ZZZ3: variants seen among roughly 807,000 people sequenced by gnomAD.
The protein encoded by ZZZ3 is ZZ-type zinc finger-containing protein 3.
Under a neutral mutation model 95.2 loss-of-function variants are expected in ZZZ3, and 22 were observed. That is an observed-to-expected ratio of 0.23 (90% CI 0.17 to 0.33). The LOEUF (loss-of-function observed/expected upper bound fraction) is 0.33. Among genes scored for constraint, ZZZ3 ranks in the 10% least tolerant of loss-of-function variants. The pLI, the probability that ZZZ3 is intolerant of heterozygous loss-of-function variation, is 1.00. For synonymous variants in ZZZ3, 335 were observed against 358.9 expected (o/e 0.93, Z 0.75); for missense variants, 885 against 1,066.5 (o/e 0.83, Z 2.37).
At chr1:77,645,235 TTAAC>T (rs1669150683) in intron 1 of ZZZ3, 1 of 152,072 alleles carries the variant, frequency 6.6e-6, no homozygotes, top group Non-Finnish European at 1.5e-5. Context: ...CTCTAAAAAA[TTAAC>T]TAATTAATCA....
chr1:77,616,661 A>C (rs1300030481), intron 5 of ZZZ3, among the ~76,000 whole-genome samples: 6 of 152,132 alleles, frequency 3.9e-5, no homozygotes, highest in Non-Finnish European at 8.8e-5. Flanking sequence ...TCAGGAGTTC[A>C]AGACCAGTCT....
At position 77,659,013 on chromosome 1, in the gene ZZZ3, G is replaced by A. The variant is rs1670542948; in HGVS notation, c.-402-17358C>T. On this transcript the variant is annotated intron_variant, in intron 1 of 14. Coordinates refer to ENST00000370801, the MANE Select transcript of ZZZ3 (RefSeq NM_015534.6). ...GCAGGCGGATCACCTGAGGTCAGGA[G>A]TTCGAGACCAGCCTGAACAACATGG... 3.9e-5 allele frequency among the ~76,000 whole-genome samples: 6 copies of A among 152,240 alleles called. No individual in the cohort carries two copies. The South Asian group carries it at 1.2e-3, about 32-fold the overall frequency.
intron 12 of ZZZ3, among the ~76,000 whole-genome samples, chr1:77,568,901 C>A (rs1037981306): frequency 6.6e-6 from 1 of 152,152 alleles, no homozygotes; most frequent in African/African-American, 2.4e-5. Flanking sequence ...AACAAGCAAA[C>A]CAACCTCTGC....
chr1:77,570,893 C>T (rs1661321002), intron 12 of ZZZ3, among the ~76,000 whole-genome samples: 1 of 137,582 alleles, frequency 7.3e-6, no homozygotes, highest in South Asian at 2.3e-4. Context: ...TGGTCTCGAA[C>T]TTCTGGGCTC....
chr1:77,676,259 T>A (rs1325567730), intron 1 of ZZZ3, among the ~76,000 whole-genome samples: 2 of 152,156 alleles, frequency 1.3e-5, no homozygotes, highest in African/African-American at 4.8e-5. Flanking sequence ...CTCAATCTTT[T>A]GGGGTCAAGT....
chr1:77,625,082 T>A (rs1667219987), intron 5 of ZZZ3, among the ~76,000 whole-genome samples: 1 of 152,116 alleles, frequency 6.6e-6, no homozygotes, highest in Non-Finnish European at 1.5e-5. Context: ...AAAAGTTGGG[T>A]TTTCTGTACA....
chr1:77,632,216 G>T lies in ZZZ3; in HGVS notation c.1139C>A (p.Thr380Asn). ...GGTAGGGGCTGCCCTTCGTGGTGAG[G>T]TTCTCAGAGTATAACGATGTTCTTG... ...EPQEHRYTLRTSPRRAAPTRG... is the reference protein window; with the variant it reads ...EPQEHRYTLRNSPRRAAPTRG... Residue 380 changes from threonine (T) to asparagine (N), a missense_variant, in exon 5 of 15, where the codon ACC becomes AAC. By Grantham distance (65) the Thr-to-Asn change is moderately conservative (BLOSUM62 0). Coordinates refer to ENST00000370801, the MANE Select transcript of ZZZ3 (RefSeq NM_015534.6). 2 of 1,614,006 alleles carry T rather than the reference G, an allele frequency of 1.2e-6. No individual in the cohort carries two copies. The highest frequency in any genetic ancestry group is 1.7e-6 in the Non-Finnish European group (2 of 1,180,016).
chr1:77,613,168 T>C (rs1293289002), intron 5 of ZZZ3, among the ~76,000 whole-genome samples: 2 of 152,094 alleles, frequency 1.3e-5, no homozygotes, highest in Admixed American at 6.5e-5. Flanking sequence ...AGACATCATA[T>C]AGATGTTGGT....
At chr1:77,608,241 A>G (rs570984025) in intron 5 of ZZZ3, among the ~76,000 whole-genome samples, 6 of 152,344 alleles carry the variant, frequency 3.9e-5, no homozygotes, top group African/African-American at 1.2e-4. Context: ...AAGGATAAAG[A>G]GAGGATCCCA....
At chr1:77,573,281 A>G (rs1252988101) in intron 12 of ZZZ3, among the ~76,000 whole-genome samples, 1 of 94,214 alleles carries the variant, frequency 1.1e-5, no homozygotes, top group Non-Finnish European at 2.6e-5. Flanking sequence ...CACCATGCCC[A>G]GCTAATTTTT....
chr1:77,611,999 C>T (rs1008837463), intron 5 of ZZZ3, among the ~76,000 whole-genome samples: 2 of 151,720 alleles, frequency 1.3e-5, no homozygotes, highest in East Asian at 1.9e-4. Flanking sequence ...AAAGCTTCAG[C>T]GTGGCAAAGG....
At chr1:77,669,454 G>GTTTT (rs11432486) in intron 1 of ZZZ3, among the ~76,000 whole-genome samples, 5 of 131,320 alleles carry the variant, frequency 3.8e-5, no homozygotes, top group East Asian at 2.1e-4. Flanking sequence ...TTCTTTCTCA[G>GTTTT]TTTTTTTTTT....
At chr1:77,619,722 C>T (rs557388822) in intron 5 of ZZZ3, among the ~76,000 whole-genome samples, 3 of 152,214 alleles carry the variant, frequency 2.0e-5, no homozygotes, top group South Asian at 4.2e-4. Context: ...GTAACAAACT[C>T]GGACAACTCA....
rs142252953 is a variant in ZZZ3, at chr1:77,579,521, A to T, written c.2082+6T>A. On this transcript the variant is annotated splice_donor_region_variant and intron_variant, in intron 10 of 14. Transcript: ENST00000370801. ...ACCAGCAATCTGCAGTCATCTCCTCAATTACCTGTTTTGCTGTCCTGTTGC... is the reference window on the plus strand; with the variant it reads ...ACCAGCAATCTGCAGTCATCTCCTCTATTACCTGTTTTGCTGTCCTGTTGC... 2.5e-4 allele frequency: 402 copies of T among 1,593,980 alleles called. 1 individual carries two copies. In the African/African-American group the frequency reaches 4.7e-3, roughly 19 times the overall value.
chr1:77,571,880 C>A (rs1172785070), intron 12 of ZZZ3, among the ~76,000 whole-genome samples: 1 of 152,088 alleles, frequency 6.6e-6, no homozygotes, highest in Non-Finnish European at 1.5e-5. Context: ...CATAGCATTG[C>A]TGAACTGTAT....
Position 77,658,999 on chromosome 1 carries a change from A to C in ZZZ3, c.-402-17344T>G, listed in dbSNP as rs1169755740. Among the ~76,000 whole-genome samples the C allele has an allele frequency of 3.3e-5, 5 of 152,268 alleles. No homozygotes were observed. In the East Asian group the frequency reaches 9.7e-4, roughly 29 times the overall value. ...TTTGGGAGGCCGAGGCAGGCGGATC[A>C]CCTGAGGTCAGGAGTTCGAGACCAG... is the stretch of plus-strand genomic sequence containing the variant. On this transcript the variant is annotated intron_variant, in intron 1 of 14. Coordinates refer to ENST00000370801, the MANE Select transcript of ZZZ3 (RefSeq NM_015534.6).
chr1:77,576,771 AAAAAAC>A (rs1661999306), intron 11 of ZZZ3, among the ~76,000 whole-genome samples: 1 of 30,934 alleles, frequency 3.2e-5, no homozygotes, highest in Non-Finnish European at 1.5e-4. Flanking sequence ...AAAAAAAACA[AAAAAAC>A]AACAAAAAAA....
chr1:77,624,674 A>G (rs1667183888), intron 5 of ZZZ3, among the ~76,000 whole-genome samples: 1 of 152,152 alleles, frequency 6.6e-6, no homozygotes, highest in African/African-American at 2.4e-5. Context: ...GTAATTAATC[A>G]GCCGTAATAA....
In ZZZ3 at chr1:77,632,431, C is replaced by A. The variant is rs780519195; in HGVS notation, c.924G>T (p.Gln308His). 12 of 1,614,144 alleles carry A rather than the reference C, an allele frequency of 7.4e-6. No individual in the cohort carries two copies. The South Asian group carries it at 9.9e-5, about 13-fold the overall frequency. The change falls in exon 5 of 15, where the codon CAG (glutamine) becomes CAT (histidine). Residue 308 changes from glutamine (Q) to histidine (H), a missense_variant. Gln to His is a conservative substitution (Grantham distance 24). Coordinates refer to ENST00000370801, the MANE Select transcript of ZZZ3 (RefSeq NM_015534.6). ...EPATGPFSETQSSLRDSEEEV... is the reference protein window; with the variant it reads ...EPATGPFSETHSSLRDSEEEV... The stretch of plus-strand genomic sequence containing the variant: ...CCTCCTCAGAATCCCTTAAAGATGA[C>A]TGAGTTTCAGAAAAGGGCCCTGTAG...
Sources: allele counts gnomAD v4.1 joint callset (sites outside exome capture counted in the v4.1 genomes callset), GRCh38; gene constraint gnomAD v4.1.1; transcripts MANE v1.5; gene names NCBI Gene and HGNC (gene_info 2026-07-23, HGNC 2026-07-21).